Variants in USP32 observed in about 807,000 individuals in gnomAD.
The protein encoded by USP32 is ubiquitin carboxyl-terminal hydrolase 32.
In USP32, 59 loss-of-function variants were observed where a neutral mutation model predicts 204.8. The observed-to-expected ratio is 0.29, with a 90% CI of 0.23 to 0.36. USP32 has a LOEUF of 0.36. Among genes scored for constraint, USP32 ranks in the 10% least tolerant of loss-of-function variants. The pLI is 1.00. For missense variants in USP32, 1,160 were observed against 1,946.4 expected, an observed-to-expected ratio of 0.60 and a Z score of 7.60; for synonymous variants, 517 against 678.4, an observed-to-expected ratio of 0.76 and a Z score of 3.70.
At chr17:60,375,041 A>G (rs1262250501) in intron 1 of USP32, among the ~76,000 whole-genome samples, 1 of 152,260 alleles carries the variant, frequency 6.6e-6, no homozygotes, top group Non-Finnish European at 1.5e-5. Flanking sequence ...TGAGATCATT[A>G]GTGAAATTTT....
chr17:60,241,574 C>T lies in USP32; in HGVS notation c.1137-5334G>A, dbSNP rs563939919. ...TCTGTGGAGAGACAGGCTCTTAGAG[C>T]TACCCACTACATAATTTTCACTGAG... On this transcript the variant is annotated intron_variant, in intron 11 of 33. Coordinates refer to ENST00000300896, the MANE Select transcript of USP32 (RefSeq NM_032582.4). 1.4e-4 allele frequency among the ~76,000 whole-genome samples: 21 copies of T among 152,238 alleles called. 1 individual carries two copies. The South Asian group carries it at 4.4e-3, about 32-fold the overall frequency.
intron 13 of USP32, among the ~76,000 whole-genome samples, chr17:60,224,374 G>GT (rs2085330771): frequency 6.6e-6 from 1 of 152,206 alleles, no homozygotes; most frequent in Non-Finnish European, 1.5e-5. Context: ...AGTGATCTTT[G>GT]TAATACCAGA....
In USP32 at chr17:60,213,623, C is replaced by G; in HGVS notation, c.2062G>C (p.Glu688Gln). ...TGTTCATCCTGGATTTTCAAATATT[C>G]CAATTTATGATCCTCATCATCCAGA... ...TLLDDEDHKL[E>Q]YLKIQDEQHL... Residue 688 changes from glutamate (E) to glutamine (Q), a missense_variant, in exon 18 of 34, where the codon GAA (glutamate) becomes CAA (glutamine). Physicochemically the swap from Glu to Gln is conservative, Grantham distance 29. Around this residue, in one of 8 missense-constraint regions of USP32, gnomAD observed 132 missense variants for 432.8 expected, o/e 0.30. Coordinates refer to ENST00000300896, the MANE Select transcript of USP32 (RefSeq NM_032582.4). 3 of 1,387,706 alleles carry G rather than the reference C, an allele frequency of 2.2e-6. No individual in the cohort carries two copies. Among genetic ancestry groups the G allele is most frequent in the Non-Finnish European group, 2.9e-6 (3 of 1,027,200 alleles). The allele number at this position is 1,387,706 out of a possible 1,614,324, so 86.0% of individuals were successfully genotyped here. A position where few individuals can be genotyped will look rare whatever the true frequency, so the allele number is the denominator to read the frequency against.
chr17:60,361,137 C>T (rs1254639362), intron 1 of USP32, among the ~76,000 whole-genome samples: 1 of 152,036 alleles, frequency 6.6e-6, no homozygotes. Context: ...TCAGAACAAA[C>T]AAACAACAAC....
At chr17:60,222,770 C>T (rs1598091950) in intron 14 of USP32, among the ~76,000 whole-genome samples, 1 of 151,232 alleles carries the variant, frequency 6.6e-6, no homozygotes, top group African/African-American at 2.4e-5. Context: ...CAGCCTCCGC[C>T]TCCCGGGTTC....
intron 7 of USP32, among the ~76,000 whole-genome samples, chr17:60,268,107 G>A (rs573971534): frequency 1.4e-4 from 22 of 152,204 alleles, no homozygotes; most frequent in South Asian, 1.0e-3. Flanking sequence ...AACCATGCCC[G>A]GCCAACAATT....
intron 5 of USP32, among the ~76,000 whole-genome samples, chr17:60,279,149 ACAT>A (rs902485431): frequency 1.7e-4 from 26 of 152,122 alleles, no homozygotes; most frequent in African/African-American, 5.8e-4. Context: ...ATCATCACAA[ACAT>A]CATATCTGTC....
At chr17:60,251,987 CA>C (rs2086181777) in intron 11 of USP32, among the ~76,000 whole-genome samples, 1 of 151,840 alleles carries the variant, frequency 6.6e-6, no homozygotes. Context: ...TCACTGTGGG[CA>C]TATGTTTATA....
intron 30 of USP32, among the ~76,000 whole-genome samples, chr17:60,184,585 G>C (rs1265373084): frequency 6.6e-6 from 1 of 152,068 alleles, no homozygotes; most frequent in Non-Finnish European, 1.5e-5. Flanking sequence ...AAGGTGGGCA[G>C]ATCACCTGAG....
At chr17:60,290,090 C>T (rs760076983) in intron 4 of USP32, among the ~76,000 whole-genome samples, 6 of 152,092 alleles carry the variant, frequency 3.9e-5, no homozygotes, top group Non-Finnish European at 4.4e-5. Flanking sequence ...TCAACAGGCC[C>T]GGGGTAGAAA....
intron 11 of USP32, among the ~76,000 whole-genome samples, chr17:60,239,908 A>G (rs1036418956): frequency 1.3e-5 from 2 of 151,904 alleles, no homozygotes; most frequent in African/African-American, 2.4e-5. Flanking sequence ...TAATTTTTGT[A>G]TATTTTTTAG....
In USP32 at chr17:60,273,225, G is replaced by A. The variant is rs1046137174; in HGVS notation, c.572-1744C>T. ...TGGCCTCAAGTGATCTGTCTGCCTC[G>A]GCCTCCGAAAGTGTGGGGATTACTT... On this transcript the variant is annotated intron_variant, in intron 5 of 33. Transcript: ENST00000300896. Among the ~76,000 whole-genome samples, 8 of 152,010 alleles carry A rather than the reference G, an allele frequency of 5.3e-5. No homozygotes were observed. The South Asian group carries it at 6.2e-4, about 12-fold the overall frequency.
At position 60,345,537 on chromosome 17, in the gene USP32, G is replaced by A. The variant is rs1281948237; in HGVS notation, c.130C>T (p.Gln44Ter). 6.2e-7 allele frequency: 1 copy of A among 1,614,196 alleles called. No homozygotes were observed. The highest frequency in any genetic ancestry group is 1.7e-5 in the Admixed American group (1 of 60,020). The stretch of plus-strand genomic sequence containing the variant: ...AGCACTTCCCGGATGAAGCAGTGCT[G>A]GCCCATGTAATATGAGAGTCCACAG... ...RTCGLSYYMG[Q>*]HCFIREVLGD... Residue 44 changes from glutamine to a stop codon, truncating the protein, a stop_gained, in exon 2 of 34, where the codon CAG (glutamine) becomes TAG (stop). Transcript: ENST00000300896. LOFTEE classifies it high-confidence loss of function.
At chr17:60,390,405 C>A (rs376670323) in intron 1 of USP32, among the ~76,000 whole-genome samples, 1 of 152,318 alleles carries the variant, frequency 6.6e-6, no homozygotes, top group African/African-American at 2.4e-5. Flanking sequence ...TCAGGCTCAA[C>A]AGCATCCCGG....
At chr17:60,382,410 C>T (rs552235204) in intron 1 of USP32, among the ~76,000 whole-genome samples, 1 of 152,154 alleles carries the variant, frequency 6.6e-6, no homozygotes, top group Admixed American at 6.5e-5. Flanking sequence ...AACCACCATG[C>T]CCAGCTAACA....
intron 7 of USP32, among the ~76,000 whole-genome samples, chr17:60,267,070 T>C (rs888881724): frequency 3.3e-5 from 5 of 151,520 alleles, no homozygotes; most frequent in Non-Finnish European, 7.4e-5. Flanking sequence ...ATTACAGGCA[T>C]GATGCACGGT....
At chr17:60,253,787 A>AAAT (rs2086228809) in intron 10 of USP32, among the ~76,000 whole-genome samples, 1 of 152,050 alleles carries the variant, frequency 6.6e-6, no homozygotes, top group African/African-American at 2.4e-5. Context: ...AATAAATAAA[A>AAAT]AATAAAAAAT....
chr17:60,395,718 T>A (rs540376656), upstream of USP32, among the ~76,000 whole-genome samples: 1 of 152,238 alleles, frequency 6.6e-6, no homozygotes, highest in South Asian at 2.1e-4. Flanking sequence ...TGCAAAAGGG[T>A]TATCCATATA....
At chr17:60,403,318 G>C (rs1471818407) in intron 1 of USP32, among the ~76,000 whole-genome samples, 1 of 152,144 alleles carries the variant, frequency 6.6e-6, no homozygotes, top group Non-Finnish European at 1.5e-5. Context: ...GCCCAGCCAA[G>C]CTGTATCTTA....
Sources: allele counts gnomAD v4.1 joint callset (sites outside exome capture counted in the v4.1 genomes callset), GRCh38; gene constraint gnomAD v4.1.1; regional missense constraint gnomAD v4.1.1; transcripts MANE v1.5; gene names NCBI Gene and HGNC (gene_info 2026-07-23, HGNC 2026-07-21).